Variants in LAMA3 observed in about 807,000 individuals in gnomAD.
LAMA3 encodes the protein laminin subunit alpha 3, also known as laminin subunit alpha-3.
A neutral mutation model predicts 402.0 loss-of-function variants in LAMA3; 281 were observed. The observed-to-expected ratio is 0.70, with a 90% CI of 0.63 to 0.77. The LOEUF is 0.77. Ranked by LOEUF, LAMA3 falls within the 30% of genes least tolerant of loss-of-function variation. The pLI is 0.00. For synonymous variants in LAMA3, 1,431 were observed against 1,558.4 expected, an observed-to-expected ratio of 0.92 and a Z score of 1.93; for missense variants, 3,840 against 4,215.5, an observed-to-expected ratio of 0.91 and a Z score of 2.47.
chr18:23,844,506 G>T (rs368345211), intron 29 of LAMA3, among the ~76,000 whole-genome samples: 1 of 152,340 alleles, frequency 6.6e-6, no homozygotes, highest in African/African-American at 2.4e-5. Flanking sequence ...AGCATGCAAG[G>T]CTTTTGCTTC....
chr18:23,719,007 T>C (rs2061161918), intron 2 of LAMA3, among the ~76,000 whole-genome samples: 1 of 152,198 alleles, frequency 6.6e-6, no homozygotes, highest in Non-Finnish European at 1.5e-5. Flanking sequence ...CCTCAGAGTG[T>C]CCCTGGTAGG....
chr18:23,928,415 T>A (rs891617948), intron 63 of LAMA3, among the ~76,000 whole-genome samples, 175 bp downstream of exon 63: 2 of 152,244 alleles, frequency 1.3e-5, no homozygotes, highest in African/African-American at 4.8e-5. Flanking sequence ...GTTTGCACAT[T>A]AACTTTGTAG....
At chr18:23,766,472 A>G (rs566251321) in intron 8 of LAMA3, among the ~76,000 whole-genome samples, 83 of 152,340 alleles carry the variant, frequency 5.4e-4, no homozygotes, top group Admixed American at 5.2e-4. Context: ...GTAATACGAG[A>G]TGGAAACTCA....
In LAMA3 at chr18:23,833,938, C is replaced by T; in HGVS notation, c.2934C>T (p.Ser978=). ...TTGTGGTTGATGTGAATGTGAAGAG[C>T]TCCGGGTCTGTTCTGGCAGGCCAGG... ...QLFVVDVNVK[S]SGSVLAGQVN... is the part of the protein sequence containing the mutation. Residue 978 remains serine (S), a synonymous_variant, in exon 24 of 75, where the codon AGC becomes AGT. Coordinates refer to ENST00000313654, the MANE Select transcript of LAMA3 (RefSeq NM_198129.4). The T allele has an allele frequency of 6.2e-7, 1 of 1,614,236 alleles. No individual in the cohort carries two copies. Among genetic ancestry groups the T allele is most frequent in the Non-Finnish European group, 8.5e-7 (1 of 1,180,048 alleles).
chr18:23,831,766 T>C (rs758813345), intron 23 of LAMA3, among the ~76,000 whole-genome samples: 4 of 152,186 alleles, frequency 2.6e-5, no homozygotes, highest in Non-Finnish European at 4.4e-5. Flanking sequence ...AATCCTCATT[T>C]TGACATCAGA....
At chr18:23,867,470 A>G (rs1259680017) in intron 36 of LAMA3, among the ~76,000 whole-genome samples, 4 of 146,222 alleles carry the variant, frequency 2.7e-5, no homozygotes, top group African/African-American at 1.0e-4. Context: ...AATCGCTTGA[A>G]CCCGGATGCC....
At chr18:23,947,592 C>A (rs1312165957) in intron 70 of LAMA3, among the ~76,000 whole-genome samples, 3 of 152,056 alleles carry the variant, frequency 2.0e-5, no homozygotes, top group African/African-American at 7.2e-5. Flanking sequence ...GGCCAGAGCT[C>A]CAGTGTTATA....
At chr18:23,904,121 G>A (rs1322362685) in intron 50 of LAMA3, 34 bp downstream of exon 50, 12 of 1,610,874 alleles carry the variant, frequency 7.4e-6, no homozygotes, top group East Asian at 2.2e-5. Context: ...AGAAGGGCAC[G>A]TGGGCTGAGC....
rs750401726 is a variant in LAMA3 at position 23,750,977 on chromosome 18, C to T, written c.744C>T (p.Thr248=). 90 of 1,613,936 alleles carry T rather than the reference C, an allele frequency of 5.6e-5. No individual in the cohort carries two copies. Among genetic ancestry groups the T allele is most frequent in the Non-Finnish European group, 7.4e-5 (87 of 1,179,978 alleles). The change falls in exon 5 of 75, where the codon ACC becomes ACT. Residue 248 remains threonine, a synonymous_variant. Transcript: ENST00000313654. The part of the protein sequence containing the change: ...PGAKNFTFSH[T]LREFTKATNI... Reference sequence around the variant, plus strand: ...CAAAAAATTTTACTTTCTCTCACACCCTGAGGGAGTTTACCAAGGCAACAA... The same window carrying T: ...CAAAAAATTTTACTTTCTCTCACACTCTGAGGGAGTTTACCAAGGCAACAA...
At chr18:23,810,630 A>G in intron 13 of LAMA3, 127 bp downstream of exon 13, 1 of 1,040,872 alleles carries the variant, frequency 9.6e-7, no homozygotes, top group Non-Finnish European at 1.5e-6. Context: ...GCTTTCACAG[A>G]TCTAGTCTGC....
intron 2 of LAMA3, among the ~76,000 whole-genome samples, chr18:23,723,138 A>G (rs1267807371): frequency 2.0e-5 from 3 of 152,208 alleles, no homozygotes; most frequent in Non-Finnish European, 4.4e-5. Flanking sequence ...ATCTATAAAC[A>G]CATTCACACG....
intron 8 of LAMA3, among the ~76,000 whole-genome samples, chr18:23,772,430 T>C: frequency 6.6e-6 from 1 of 152,322 alleles, no homozygotes; most frequent in East Asian, 1.9e-4. Context: ...CCTCTGTCTA[T>C]GGTAAGAAAC....
At chr18:23,824,898 T>C (rs1478930359) in intron 21 of LAMA3, among the ~76,000 whole-genome samples, 1 of 152,232 alleles carries the variant, frequency 6.6e-6, no homozygotes, top group Non-Finnish European at 1.5e-5. Flanking sequence ...AAAGCTTGTA[T>C]GGGATTTTCC....
chr18:23,951,562 G>C (rs1200492922), intron 72 of LAMA3, 122 bp from the exon 73 acceptor site: 1 of 725,936 alleles, frequency 1.4e-6, no homozygotes, highest in East Asian at 2.7e-5. Flanking sequence ...AAGCGGAGGA[G>C]GGCCAATATC....
intron 38 of LAMA3, among the ~76,000 whole-genome samples, chr18:23,874,507 G>T (rs576656305): frequency 6.6e-6 from 1 of 152,176 alleles, no homozygotes; most frequent in African/African-American, 2.4e-5. Context: ...ACATTATATT[G>T]GAAACTGTGG....
chr18:23,746,484 G>C (rs1598706480), intron 2 of LAMA3, among the ~76,000 whole-genome samples: 2 of 152,136 alleles, frequency 1.3e-5, no homozygotes, highest in African/African-American at 4.8e-5. Context: ...TCACATCAGA[G>C]TGAATGAAGA....
Position 23,842,428 on chromosome 18 carries a change from C to A in LAMA3, c.3370C>A (p.Leu1124Met), listed in dbSNP as rs2063721799. ...QVTLRGRVPHLGRYVFVIHFY... is the reference protein window; with the variant it reads ...QVTLRGRVPHMGRYVFVIHFY... The stretch of plus-strand genomic sequence containing the variant: ...GACCCTGAGAGGACGTGTACCACAC[C>A]TGGGCCGATACGTCTTTGTCATCCA... Residue 1124 changes from leucine to methionine, a missense_variant, in exon 28 of 75, where the codon CTG becomes ATG. Leu to Met is a conservative substitution (Grantham distance 15, BLOSUM62 2). This residue lies in a region of LAMA3 where 2,109 missense variants were observed against 2,376.0 expected (regional missense o/e 0.89). Transcript: ENST00000313654. 1 of 1,613,946 alleles carries A rather than the reference C, an allele frequency of 6.2e-7. No homozygotes were observed. Among genetic ancestry groups the A allele is most frequent in the Non-Finnish European group, 8.5e-7 (1 of 1,180,028 alleles).
intron 41 of LAMA3, among the ~76,000 whole-genome samples, chr18:23,889,682 AAGGAAGGAAGGAAGGGAGGGAGGAAGGG>A (rs1568303547): frequency 2.1e-4 from 17 of 79,150 alleles, no homozygotes; most frequent in East Asian, 6.4e-4. Context: ...GGGAGGAAGG[AAGGAAGGAAGGAAGGGAGGGAGGAAGGG>A]AGGAAGGAAG....
chr18:23,889,508 G>T (rs2080569004), intron 41 of LAMA3, among the ~76,000 whole-genome samples: 1 of 151,826 alleles, frequency 6.6e-6, no homozygotes, highest in Non-Finnish European at 1.5e-5. Context: ...GTTGCAGTGA[G>T]CTGTGATTGT....
Sources: gnomAD v4.1 joint callset for allele counts (sites outside exome capture counted in the v4.1 genomes callset) on GRCh38, gnomAD v4.1.1 for gene constraint, gnomAD v4.1.1 regional missense constraint, MANE v1.5 for transcripts, NCBI Gene and HGNC (gene_info 2026-07-23, HGNC 2026-07-21) for gene names.